The following NMNAT2 variants were observed in gnomAD, a reference collection of about 807,000 sequenced individuals.
NMNAT2 encodes the protein nicotinamide nucleotide adenylyltransferase 2.
A neutral mutation model predicts 41.6 loss-of-function variants in NMNAT2; 11 were observed. That is an observed-to-expected ratio of 0.26 (90% CI 0.17 to 0.44). NMNAT2 has a LOEUF of 0.44. Ranked by LOEUF, NMNAT2 falls within the 20% of genes least tolerant of loss-of-function variation. The probability of loss-of-function intolerance (pLI) is 1.00; values close to 1 mark genes in which losing one functional copy is unlikely to be tolerated. For missense variants in NMNAT2, 288 were observed against 407.7 expected, an observed-to-expected ratio of 0.71 and a Z score of 2.53; for synonymous variants, 148 against 151.2, an observed-to-expected ratio of 0.98 and a Z score of 0.16.
intron 1 of NMNAT2, among the ~76,000 whole-genome samples, chr1:183,366,582 G>A (rs534759293): frequency 6.6e-6 from 1 of 152,318 alleles, no homozygotes; most frequent in African/African-American, 2.4e-5. Flanking sequence ...TGCAGGAAAT[G>A]TCTTTGAGAC....
intron 1 of NMNAT2, among the ~76,000 whole-genome samples, chr1:183,331,259 A>G (rs1288724185): frequency 6.6e-6 from 1 of 151,954 alleles, no homozygotes; most frequent in Non-Finnish European, 1.5e-5. Flanking sequence ...GTCATAAAAC[A>G]TGCATGAAAA....
At chr1:183,257,075 A>C (rs1158213735) in intron 10 of NMNAT2, among the ~76,000 whole-genome samples, 1 of 152,002 alleles carries the variant, frequency 6.6e-6, no homozygotes, top group Non-Finnish European at 1.5e-5. Flanking sequence ...TATCTGGCTT[A>C]GGTATCAAAG....
At chr1:183,304,490 T>C (rs997245723) in intron 1 of NMNAT2, among the ~76,000 whole-genome samples, 1 of 152,170 alleles carries the variant, frequency 6.6e-6, no homozygotes, top group Non-Finnish European at 1.5e-5. Flanking sequence ...CAGCAGAAGG[T>C]GCGGGCTGGG....
At chr1:183,262,927 T>G (rs914129535) in intron 8 of NMNAT2, among the ~76,000 whole-genome samples, 2 of 152,210 alleles carry the variant, frequency 1.3e-5, no homozygotes, top group African/African-American at 4.8e-5. Flanking sequence ...ACCCAGGTTT[T>G]TTCCCATAAT....
chr1:183,402,720 G>C (rs192033822), intron 1 of NMNAT2, among the ~76,000 whole-genome samples: 207 of 152,238 alleles, frequency 1.4e-3, no homozygotes, highest in Middle Eastern at 3.4e-3. Context: ...GGCCACTGCT[G>C]CTCCCCCCTC....
chr1:183,302,182 T>C (rs866469924), intron 1 of NMNAT2, among the ~76,000 whole-genome samples: 8 of 152,178 alleles, frequency 5.3e-5, no homozygotes, highest in African/African-American at 1.9e-4. Flanking sequence ...AAGTGCTTAT[T>C]ATGTTGAAGG....
chr1:183,328,932 T>C (rs1456722931), intron 1 of NMNAT2, among the ~76,000 whole-genome samples: 1 of 152,174 alleles, frequency 6.6e-6, no homozygotes, highest in African/African-American at 2.4e-5. Flanking sequence ...GATTTGGTCC[T>C]TCTGTGGGGC....
At chr1:183,303,034 CAGAA>C (rs10558987) in intron 1 of NMNAT2, among the ~76,000 whole-genome samples, 16,495 of 152,200 alleles carry the variant, frequency 0.11, 999 homozygotes, top group Middle Eastern at 0.16. Context: ...AATTTTAAAA[CAGAA>C]GGAAGATACT....
At chr1:183,318,758 T>G (rs1479521260) in intron 1 of NMNAT2, among the ~76,000 whole-genome samples, 2 of 152,176 alleles carry the variant, frequency 1.3e-5, no homozygotes, top group Non-Finnish European at 2.9e-5. Flanking sequence ...ACTTCTACCT[T>G]TGCTGAACTC....
intron 10 of NMNAT2, among the ~76,000 whole-genome samples, chr1:183,258,918 G>A (rs1450414124): frequency 2.0e-5 from 3 of 152,140 alleles, no homozygotes; most frequent in Non-Finnish European, 2.9e-5. Context: ...CTCTGCTCCC[G>A]AAATGCTCAG....
intron 1 of NMNAT2, among the ~76,000 whole-genome samples, chr1:183,333,178 G>A (rs1024951237): frequency 9.2e-5 from 14 of 152,180 alleles, no homozygotes; most frequent in Admixed American, 4.6e-4. Flanking sequence ...GATACCTGGA[G>A]CTGGTAAAAG....
chr1:183,339,705 T>C (rs1662753663), intron 1 of NMNAT2, among the ~76,000 whole-genome samples: 1 of 152,196 alleles, frequency 6.6e-6, no homozygotes, highest in South Asian at 2.1e-4. Flanking sequence ...GTGGCTTATC[T>C]CATTTAGTTG....
chr1:183,292,292 C>G (rs538973829), intron 3 of NMNAT2, among the ~76,000 whole-genome samples: 13 of 152,320 alleles, frequency 8.5e-5, no homozygotes, highest in African/African-American at 3.1e-4. Context: ...GAAAGCCACC[C>G]AGTGGGTGTG....
chr1:183,256,857 T>C (rs1415827690), intron 10 of NMNAT2, among the ~76,000 whole-genome samples: 3 of 152,154 alleles, frequency 2.0e-5, no homozygotes, highest in Non-Finnish European at 4.4e-5. Flanking sequence ...GTTCAAGTGA[T>C]TCTTCTGCCT....
In NMNAT2 at chr1:183,261,291, C is replaced by T. The variant is rs1212075341; in HGVS notation, c.664G>A (p.Val222Ile). The change falls in exon 9 of 11, where the codon GTT becomes ATT. Residue 222 changes from valine (V) to isoleucine (I), a missense_variant. Physicochemically the swap from Val to Ile is conservative, Grantham distance 29 (BLOSUM62 3). Transcript: ENST00000287713. The part of the protein sequence containing the change: ...LWNEADMEVI[V>I]GDFGIVVVPR... The stretch of plus-strand genomic sequence containing the variant: ...ACCACCACAATCCCAAAGTCACCAA[C>T]AATCACCTCCATCTAAAGAAACAGA... 1.9e-6 allele frequency: 3 copies of T among 1,613,502 alleles called. No homozygotes were observed. Among genetic ancestry groups the T allele is most frequent in the East Asian group, 2.2e-5 (1 of 44,880 alleles).
At chr1:183,301,457 C>T (rs1323570968) in intron 1 of NMNAT2, among the ~76,000 whole-genome samples, 4 of 152,266 alleles carry the variant, frequency 2.6e-5, no homozygotes, top group African/African-American at 4.8e-5. Context: ...TCATGCCAGG[C>T]TTCCCAAAAT....
chr1:183,331,293 G>A (rs1276388379), intron 1 of NMNAT2, among the ~76,000 whole-genome samples: 1 of 152,196 alleles, frequency 6.6e-6, no homozygotes, highest in Non-Finnish European at 1.5e-5. Context: ...CTGGGGGAGG[G>A]TTGCCAAAGC....
intron 1 of NMNAT2, among the ~76,000 whole-genome samples, chr1:183,378,452 G>T (rs1248728391): frequency 6.6e-6 from 1 of 151,574 alleles, no homozygotes; most frequent in Non-Finnish European, 1.5e-5. Flanking sequence ...CTACTCGGGA[G>T]GCTGAGGCAG....
intron 1 of NMNAT2, among the ~76,000 whole-genome samples, chr1:183,326,515 G>T (rs940777545): frequency 6.6e-6 from 1 of 152,080 alleles, no homozygotes; most frequent in Non-Finnish European, 1.5e-5. Flanking sequence ...AGACTTAGAA[G>T]CTTAGCTTTC....
Sources: gnomAD v4.1 joint callset for allele counts (sites outside exome capture counted in the v4.1 genomes callset) on GRCh38, gnomAD v4.1.1 for gene constraint, MANE v1.5 for transcripts, NCBI Gene and HGNC (gene_info 2026-07-23, HGNC 2026-07-21) for gene names.